The following RNGTT variants were observed in gnomAD, a reference collection of about 807,000 sequenced individuals.
RNGTT encodes the protein mRNA-capping enzyme.
A neutral mutation model predicts 79.3 loss-of-function variants in RNGTT; 33 were observed. The ratio of observed to expected loss-of-function variants is 0.42; its 90% CI spans 0.32 to 0.56. The LOEUF (loss-of-function observed/expected upper bound fraction) is 0.56. Ranked by LOEUF, RNGTT falls within the 20% of genes least tolerant of loss-of-function variation. The pLI, the probability that RNGTT is intolerant of heterozygous loss-of-function variation, is 0.17. For missense variants in RNGTT, 497 were observed against 739.1 expected (o/e 0.67, Z 3.80); for synonymous variants, 222 against 235.9 (o/e 0.94, Z 0.54).
chr6:88,610,637 G>A lies in RNGTT; in HGVS notation c.*2082C>T, dbSNP rs1185557188. On this transcript the variant is annotated 3_prime_UTR_variant, in exon 16 of 16. Transcript: ENST00000369485. ...GGGCTAAATGGGATCTACTTATAAG[G>A]CCAACTACTCTATGTCACTATAATT... is the stretch of plus-strand genomic sequence containing the variant. The A allele has an allele frequency of 6.6e-6, 1 of 152,070 alleles. No homozygotes were observed. Among genetic ancestry groups the A allele is most frequent in the Non-Finnish European group, 1.5e-5 (1 of 68,028 alleles). The allele number at this position is 152,070 out of a possible 1,614,324, so 9.4% of individuals were successfully genotyped here. A position where few individuals can be genotyped will look rare whatever the true frequency, so the allele number is the denominator to read the frequency against.
chr6:88,773,414 T>C (rs983789924), intron 12 of RNGTT, among the ~76,000 whole-genome samples: 14 of 150,368 alleles, frequency 9.3e-5, no homozygotes, highest in African/African-American at 2.4e-4. Context: ...GGCACATGTA[T>C]ACATATGTAA....
intron 14 of RNGTT, among the ~76,000 whole-genome samples, chr6:88,649,613 C>T (rs2127777155): frequency 6.6e-6 from 1 of 152,012 alleles, no homozygotes; most frequent in South Asian, 2.1e-4. Flanking sequence ...AGGAGAATGG[C>T]GTGAACCCGG....
At chr6:88,739,730 TATA>T (rs1777409580) in intron 13 of RNGTT, among the ~76,000 whole-genome samples, 24 of 12,534 alleles carry the variant, frequency 1.9e-3, no homozygotes, top group African/African-American at 5.5e-3. Flanking sequence ...AAAAATTATA[TATA>T]TATATATATA....
At chr6:88,856,505 A>G (rs72909756) in intron 8 of RNGTT, among the ~76,000 whole-genome samples, 1 of 152,282 alleles carries the variant, frequency 6.6e-6, no homozygotes, top group Non-Finnish European at 1.5e-5. Context: ...TTTTCTATGC[A>G]CACATGTGTA....
intron 13 of RNGTT, among the ~76,000 whole-genome samples, chr6:88,721,856 T>C (rs1325221495): frequency 6.6e-6 from 1 of 152,098 alleles, no homozygotes; most frequent in Non-Finnish European, 1.5e-5. Context: ...CTCATGTAAA[T>C]ATTCTCTAAT....
At chr6:88,935,515 A>G (rs1420603309) in intron 2 of RNGTT, among the ~76,000 whole-genome samples, 6 of 152,164 alleles carry the variant, frequency 3.9e-5, no homozygotes, top group Admixed American at 3.9e-4. Flanking sequence ...GGAGTTCAAG[A>G]CCAGCCTAGG....
At chr6:88,895,098 A>G (rs1783189847) in intron 6 of RNGTT, among the ~76,000 whole-genome samples, 1 of 152,110 alleles carries the variant, frequency 6.6e-6, no homozygotes, top group Non-Finnish European at 1.5e-5. Context: ...ATAGAAATAT[A>G]TTTCATAAAC....
At chr6:88,716,483 C>T (rs144957038) in intron 13 of RNGTT, among the ~76,000 whole-genome samples, 3,095 of 152,252 alleles carry the variant, frequency 0.02, 114 homozygotes, top group African/African-American at 0.069. Context: ...ACCCAAATGA[C>T]TATAAATCAT....
chr6:88,810,938 C>A (rs1780119030), intron 11 of RNGTT, among the ~76,000 whole-genome samples: 1 of 152,204 alleles, frequency 6.6e-6, no homozygotes, highest in South Asian at 2.1e-4. Context: ...CCAATAACAA[C>A]ATAAGCCTTG....
chr6:88,785,565 TC>T (rs769344167), intron 12 of RNGTT, among the ~76,000 whole-genome samples: 27 of 152,242 alleles, frequency 1.8e-4, no homozygotes, highest in Non-Finnish European at 3.4e-4. Flanking sequence ...ATTATATTTT[TC>T]AATAAAAGTA....
At chr6:88,718,161 C>T (rs896656225) in intron 13 of RNGTT, among the ~76,000 whole-genome samples, 2 of 151,848 alleles carry the variant, frequency 1.3e-5, no homozygotes, top group Non-Finnish European at 2.9e-5. Flanking sequence ...GGGAGGCAGG[C>T]GGATTACTTG....
intron 13 of RNGTT, among the ~76,000 whole-genome samples, chr6:88,695,737 T>C (rs1274860283): frequency 1.3e-5 from 2 of 152,210 alleles, no homozygotes; most frequent in Admixed American, 6.5e-5. Flanking sequence ...AGCCAAGTTA[T>C]GGAATCAACC....
chr6:88,866,232 T>C (rs1782159471), intron 8 of RNGTT, among the ~76,000 whole-genome samples: 1 of 152,128 alleles, frequency 6.6e-6, no homozygotes, highest in African/African-American at 2.4e-5. Flanking sequence ...CTTCAAAGAA[T>C]TAGAGAATTA....
In RNGTT at chr6:88,853,711, T is replaced by G; in HGVS notation, c.950A>C (p.Asn317Thr). ...CAGATTTGAAACATGAAATACTGAA[T>G]TGTCTCTATCAATCATAAAAACTTC... ...TNEVFMIDRD[N>T]SVFHVSNLEF... Residue 317 changes from asparagine to threonine, a missense_variant, in exon 9 of 16, where the codon AAT becomes ACT. By Grantham distance (65) the Asn-to-Thr change is moderately conservative (BLOSUM62 0). Coordinates refer to ENST00000369485, the MANE Select transcript of RNGTT (RefSeq NM_003800.5). The G allele has an allele frequency of 6.3e-7, 1 of 1,582,208 alleles. No individual in the cohort carries two copies.
chr6:88,678,517 C>A, intron 13 of RNGTT, 98 bp from the exon 14 acceptor site: 2 of 626,506 alleles, frequency 3.2e-6, no homozygotes, highest in Non-Finnish European at 4.5e-6. Context: ...TATAGATATA[C>A]TATAAAATAT....
At chr6:88,929,709 C>T (rs1784424923) in intron 2 of RNGTT, among the ~76,000 whole-genome samples, 1 of 151,950 alleles carries the variant, frequency 6.6e-6, no homozygotes, top group African/African-American at 2.4e-5. Context: ...TCCAAGCAGC[C>T]ACCACCAATA....
intron 13 of RNGTT, among the ~76,000 whole-genome samples, chr6:88,714,740 C>A (rs377450852): frequency 1.1e-5 from 1 of 89,778 alleles, no homozygotes; most frequent in Non-Finnish European, 1.9e-5. Flanking sequence ...CCGCGCCCGG[C>A]CTAAAAGTAC....
At chr6:88,913,214 C>CAAAA (rs58717773) in intron 4 of RNGTT, among the ~76,000 whole-genome samples, 1,771 of 65,498 alleles carry the variant, frequency 0.027, 35 homozygotes, top group African/African-American at 0.062. Flanking sequence ...CAAAAAAAAA[C>CAAAA]AAAAAAAAAA....
chr6:88,639,954 A>C (rs554541501), intron 14 of RNGTT, among the ~76,000 whole-genome samples: 2 of 152,202 alleles, frequency 1.3e-5, no homozygotes, highest in Admixed American at 6.5e-5. Flanking sequence ...TGGCTTAAAA[A>C]TGACTTCAAT....
Sources: allele counts gnomAD v4.1 joint callset (sites outside exome capture counted in the v4.1 genomes callset), GRCh38; gene constraint gnomAD v4.1.1; transcripts MANE v1.5; gene names NCBI Gene and HGNC (gene_info 2026-07-23, HGNC 2026-07-21).